Variants in PIP4K2A observed in about 807,000 individuals in gnomAD.
PIP4K2A encodes the protein phosphatidylinositol-5-phosphate 4-kinase type 2 alpha.
PIP4K2A carries 14 observed loss-of-function variants against 42.9 expected under a neutral mutation model. The ratio of observed to expected loss-of-function variants is 0.33; its 90% CI spans 0.22 to 0.51. The LOEUF (loss-of-function observed/expected upper bound fraction) is 0.51. Among genes scored for constraint, PIP4K2A ranks in the 20% least tolerant of loss-of-function variants. The pLI, the probability that PIP4K2A is intolerant of heterozygous loss-of-function variation, is 0.97. For synonymous variants in PIP4K2A, 192 were observed against 192.2 expected, an observed-to-expected ratio of 1.00 and a Z score of 0.01; for missense variants, 434 against 519.8, an observed-to-expected ratio of 0.83 and a Z score of 1.61.
chr10:22,535,952 C>G lies in PIP4K2A; in HGVS notation c.*1249G>C, dbSNP rs1183813679. 1 of 394,180 alleles carries G rather than the reference C, an allele frequency of 2.5e-6. No individual in the cohort carries two copies. The highest frequency in any genetic ancestry group is 4.5e-6 in the Non-Finnish European group (1 of 223,744). 24.4% of individuals were successfully genotyped at this position (394,180 alleles called of 1,614,324 possible). A position where few individuals can be genotyped will look rare whatever the true frequency, so the allele number is the denominator to read the frequency against. Reference sequence around the variant, plus strand: ...TCTACCATGTACTTTGACTAAAACACTCACGTAAAAACATGGCTGCAGGAT... The same window carrying G: ...TCTACCATGTACTTTGACTAAAACAGTCACGTAAAAACATGGCTGCAGGAT... On this transcript the variant is annotated 3_prime_UTR_variant, in exon 10 of 10. Transcript: ENST00000376573.
intron 1 of PIP4K2A, among the ~76,000 whole-genome samples, chr10:22,647,393 T>A (rs1246688659): frequency 6.6e-6 from 1 of 152,156 alleles, no homozygotes; most frequent in African/African-American, 2.4e-5. Context: ...ATATGTTAAC[T>A]ATTTTGTGAA....
chr10:22,549,062 A>G (rs1033078624), intron 7 of PIP4K2A, among the ~76,000 whole-genome samples: 17 of 152,326 alleles, frequency 1.1e-4, no homozygotes, highest in African/African-American at 4.1e-4. Flanking sequence ...CAATGGCAAC[A>G]AGAAAGTAGA....
At chr10:22,603,740 T>C (rs774136975) in intron 3 of PIP4K2A, among the ~76,000 whole-genome samples, 5 of 152,072 alleles carry the variant, frequency 3.3e-5, no homozygotes, top group Admixed American at 6.5e-5. Flanking sequence ...GATCAGGGCT[T>C]AAGGGGGCAG....
chr10:22,695,104 T>G (rs1214272188), intron 1 of PIP4K2A, among the ~76,000 whole-genome samples: 1 of 152,220 alleles, frequency 6.6e-6, no homozygotes. Context: ...ATATTCACCA[T>G]TTTTAAAAAC....
At chr10:22,664,692 T>C (rs1839315184) in intron 1 of PIP4K2A, among the ~76,000 whole-genome samples, 1 of 152,162 alleles carries the variant, frequency 6.6e-6, no homozygotes, top group Non-Finnish European at 1.5e-5. Context: ...TAATAAATAA[T>C]GTCCTAGAGT....
chr10:22,684,892 G>C (rs1273296708), intron 1 of PIP4K2A, among the ~76,000 whole-genome samples: 1 of 152,142 alleles, frequency 6.6e-6, no homozygotes, highest in Non-Finnish European at 1.5e-5. Flanking sequence ...ACAGCTGTCC[G>C]ATACACAGCT....
chr10:22,713,267 A>G (rs372426062), intron 1 of PIP4K2A, among the ~76,000 whole-genome samples: 3 of 152,024 alleles, frequency 2.0e-5, no homozygotes, highest in African/African-American at 7.2e-5. Context: ...GCATCCTCCA[A>G]TCCCCGACTG....
chr10:22,643,950 G>A (rs866571239), intron 1 of PIP4K2A, among the ~76,000 whole-genome samples: 1 of 152,028 alleles, frequency 6.6e-6, no homozygotes. Context: ...AACCCAGCCT[G>A]CCCCACCATC....
intron 1 of PIP4K2A, among the ~76,000 whole-genome samples, chr10:22,661,122 A>T (rs1379527151): frequency 6.6e-6 from 1 of 152,210 alleles, no homozygotes; most frequent in Non-Finnish European, 1.5e-5. Context: ...AGTGAACACC[A>T]CTTCAGTTAA....
At chr10:22,559,169 T>C (rs1588625134) in intron 6 of PIP4K2A, among the ~76,000 whole-genome samples, 1 of 152,334 alleles carries the variant, frequency 6.6e-6, no homozygotes, top group East Asian at 1.9e-4. Flanking sequence ...CTCCTCTAGA[T>C]CTCTGGTTTA....
At chr10:22,541,703 C>T (rs1023413247) in intron 8 of PIP4K2A, 101 bp downstream of exon 8, 15 of 1,327,596 alleles carry the variant, frequency 1.1e-5, no homozygotes, top group East Asian at 2.5e-5. Context: ...TGAGTGCTGC[C>T]GGGCAGCACC....
At chr10:22,567,057 C>G (rs1000077603) in intron 6 of PIP4K2A, among the ~76,000 whole-genome samples, 3 of 152,162 alleles carry the variant, frequency 2.0e-5, no homozygotes, top group African/African-American at 7.2e-5. Flanking sequence ...AACTTTCAAA[C>G]AACAATTTTG....
intron 1 of PIP4K2A, among the ~76,000 whole-genome samples, chr10:22,680,106 A>T (rs1019526108): frequency 6.6e-6 from 1 of 150,596 alleles, no homozygotes; most frequent in East Asian, 1.9e-4. Context: ...GGATTCCTTT[A>T]AAAAAAAATA....
chr10:22,541,314 A>C (rs1249667983), intron 8 of PIP4K2A, among the ~76,000 whole-genome samples: 1 of 152,200 alleles, frequency 6.6e-6, no homozygotes, highest in Non-Finnish European at 1.5e-5. Context: ...GCTGTTGGTA[A>C]TGACAAGAGG....
At chr10:22,615,885 A>ACAGAGTGGCTGGAGCCTGGGGCCC (rs1352221956) in intron 1 of PIP4K2A, among the ~76,000 whole-genome samples, 66 of 152,102 alleles carry the variant, frequency 4.3e-4, no homozygotes, top group Non-Finnish European at 9.0e-4. Context: ...CCCGCCCCAC[A>ACAGAGTGGCTGGAGCCTGGGGCCC]CAGAGTGGCT....
intron 1 of PIP4K2A, among the ~76,000 whole-genome samples, chr10:22,664,214 TATACATATATATATACAC>T (rs1839301767): frequency 1.9e-5 from 1 of 52,032 alleles, no homozygotes; most frequent in South Asian, 6.2e-4. Flanking sequence ...CATATATATA[TATACATATATATATACAC>T]ACACACACAC....
Position 22,622,782 on chromosome 10 carries a change from A to G in PIP4K2A, c.145-13065T>C, listed in dbSNP as rs189060270. 2.4e-3 allele frequency among the ~76,000 whole-genome samples: 362 copies of G among 152,354 alleles called. 3 individuals carry two copies. Among genetic ancestry groups the G allele is most frequent in the African/African-American group, 6.6e-3 (275 of 41,586 alleles). On this transcript the variant is annotated intron_variant, in intron 1 of 9. Transcript: ENST00000376573. ...GCATGAAGGAGACTATAACAAATCT[A>G]TAATTTTTTTCTCAATGCTATTTAA...
intron 1 of PIP4K2A, among the ~76,000 whole-genome samples, chr10:22,664,243 A>T (rs1839305451): frequency 7.5e-6 from 1 of 133,880 alleles, no homozygotes; most frequent in Admixed American, 8.1e-5. Context: ...ACACACACAC[A>T]CACACACATA....
chr10:22,593,581 T>G (rs902358786), intron 3 of PIP4K2A, among the ~76,000 whole-genome samples: 10 of 152,156 alleles, frequency 6.6e-5, no homozygotes, highest in Non-Finnish European at 1.5e-4. Flanking sequence ...AGGAAGAAAA[T>G]CAAAGTGAAT....
Sources: gnomAD v4.1 joint callset for allele counts (sites outside exome capture counted in the v4.1 genomes callset) on GRCh38, gnomAD v4.1.1 for gene constraint, MANE v1.5 for transcripts, NCBI Gene and HGNC (gene_info 2026-07-23, HGNC 2026-07-21) for gene names.